HERC1: variants seen among roughly 807,000 people sequenced by gnomAD.
The protein encoded by HERC1 is probable E3 ubiquitin-protein ligase HERC1.
HERC1 carries 160 observed loss-of-function variants against 554.3 expected under a neutral mutation model. The observed-to-expected ratio is 0.29, with a 90% CI of 0.25 to 0.33. The LOEUF is 0.33. Among genes scored for constraint, HERC1 ranks in the 10% least tolerant of loss-of-function variants. The pLI is 1.00. For synonymous variants in HERC1, 2,175 were observed against 2,131.7 expected, an observed-to-expected ratio of 1.02 and a Z score of -0.56; for missense variants, 4,919 against 5,918.5, an observed-to-expected ratio of 0.83 and a Z score of 5.54.
At chr15:63,781,365 C>T (rs74019015) in intron 1 of HERC1, among the ~76,000 whole-genome samples, 31 of 152,134 alleles carry the variant, frequency 2.0e-4, no homozygotes, top group African/African-American at 7.2e-4. Context: ...TCCAAAAGTA[C>T]GTGTTCACTT....
intron 34 of HERC1, among the ~76,000 whole-genome samples, chr15:63,682,224 C>A (rs996233920): frequency 6.6e-6 from 1 of 152,176 alleles, no homozygotes; most frequent in Non-Finnish European, 1.5e-5. Flanking sequence ...AGTTACCTAT[C>A]AATTTTTAAG....
intron 12 of HERC1, among the ~76,000 whole-genome samples, chr15:63,742,946 T>A (rs1243214491): frequency 6.6e-6 from 1 of 152,204 alleles, no homozygotes; most frequent in Non-Finnish European, 1.5e-5. Context: ...AGTTTTTCTT[T>A]TCTTGCAATG....
chr15:63,724,124 T>C (rs1364350926), intron 18 of HERC1, among the ~76,000 whole-genome samples: 1 of 152,158 alleles, frequency 6.6e-6, no homozygotes, highest in Non-Finnish European at 1.5e-5. Flanking sequence ...AAAAATAACA[T>C]TAAACAGAAA....
chr15:63,610,826 G>T (rs1477475395), intron 77 of HERC1, among the ~76,000 whole-genome samples: 1 of 152,236 alleles, frequency 6.6e-6, no homozygotes, highest in South Asian at 2.1e-4. Context: ...CCTGCTCAGA[G>T]AACTGCCCAG....
At chr15:63,689,346 TA>T (rs1162618410) in intron 33 of HERC1, among the ~76,000 whole-genome samples, 1 of 152,120 alleles carries the variant, frequency 6.6e-6, no homozygotes, top group East Asian at 1.9e-4. Flanking sequence ...AGCTTAGTAC[TA>T]CAGGACAAGA....
intron 1 of HERC1, among the ~76,000 whole-genome samples, chr15:63,832,839 G>A (rs980040037): frequency 6.6e-6 from 1 of 152,178 alleles, no homozygotes; most frequent in East Asian, 1.9e-4. Context: ...AAAAAAATGT[G>A]TCTGTTAGGA....
intron 2 of HERC1, among the ~76,000 whole-genome samples, chr15:63,767,452 C>A (rs1171037322): frequency 6.6e-6 from 1 of 152,030 alleles, no homozygotes; most frequent in Non-Finnish European, 1.5e-5. Flanking sequence ...ATATCCCCAG[C>A]ACTTTGGGAG....
intron 50 of HERC1, 116 bp from the exon 51 acceptor site, chr15:63,654,440 T>C (rs768010751): frequency 6.4e-5 from 46 of 720,038 alleles, no homozygotes; most frequent in Non-Finnish European, 9.6e-5. Flanking sequence ...AGCAAATGGG[T>C]TAACCCATAT....
intron 24 of HERC1, among the ~76,000 whole-genome samples, chr15:63,707,433 G>C (rs16947378): frequency 0.025 from 3,882 of 152,320 alleles, 154 homozygotes; most frequent in African/African-American, 0.09. Context: ...CTTACAAGAA[G>C]AATGGAAGTA....
In HERC1 at chr15:63,749,078, T is replaced by G. The variant is rs2075154453; in HGVS notation, c.2219+289A>C. On this transcript the variant is annotated intron_variant, in intron 10 of 77. Transcript: ENST00000443617. The surrounding 1 kb of genome is among the most constrained non-coding windows in gnomAD (Gnocchi z 4.1). The stretch of plus-strand genomic sequence containing the variant: ...TAATTTCCTCTTGATATGCAGATAT[T>G]TAATTTTTTTAAATCAGCATGTAGA... Among the ~76,000 whole-genome samples the G allele has an allele frequency of 6.6e-6, 1 of 152,172 alleles. No homozygotes were observed. Among genetic ancestry groups the G allele is most frequent in the African/African-American group, 2.4e-5 (1 of 41,440 alleles).
intron 1 of HERC1, among the ~76,000 whole-genome samples, chr15:63,811,748 G>A (rs1437355146): frequency 6.8e-6 from 1 of 147,846 alleles, no homozygotes; most frequent in Non-Finnish European, 1.5e-5. Flanking sequence ...GGTGGAGCTT[G>A]CAGTGAGCCG....
intron 51 of HERC1, 93 bp from the exon 52 acceptor site, chr15:63,652,634 G>T: frequency 9.7e-7 from 1 of 1,028,164 alleles, no homozygotes; most frequent in Non-Finnish European, 1.4e-6. Context: ...AATCTACCAT[G>T]AAATTAAAAG....
At position 63,612,691 on chromosome 15, in the gene HERC1, G is replaced by A. The variant is rs2067653608; in HGVS notation, c.14095-135C>T. On this transcript the variant is annotated intron_variant, in intron 76 of 77. Transcript: ENST00000443617. The surrounding 1 kb of genome is among the most constrained non-coding windows in gnomAD (Gnocchi z 5.0). The stretch of plus-strand genomic sequence containing the variant: ...CCTCTACTTGTTTCTCAGACCGCCA[G>A]GCACGAGAGTCAGTCAAAAAGGCCC... 1.3e-6 allele frequency: 1 copy of A among 790,892 alleles called. No homozygotes were observed. The highest frequency in any genetic ancestry group is 1.7e-5 in the African/African-American group (1 of 57,496). 49.0% of individuals were successfully genotyped at this position (790,892 alleles called of 1,614,324 possible). A position where few individuals can be genotyped will look rare whatever the true frequency, so the allele number is the denominator to read the frequency against.
Position 63,775,747 on chromosome 15 carries a change from G to C in HERC1, c.-26-98C>G. On this transcript the variant is annotated intron_variant, in intron 1 of 77. Transcript: ENST00000443617. The surrounding 1 kb of genome is among the most constrained non-coding windows in gnomAD (Gnocchi z 4.0). ...CATTACAATTAATGATTTCAAACTG[G>C]TGAAATGCAGCCGGGTGCGGTGGCT... The C allele has an allele frequency of 1.1e-6, 1 of 871,884 alleles. No individual in the cohort carries two copies. Among genetic ancestry groups the C allele is most frequent in the Non-Finnish European group, 1.7e-6 (1 of 571,958 alleles). The allele number at this position is 871,884 out of a possible 1,614,324, so 54.0% of individuals were successfully genotyped here. A position where few individuals can be genotyped will look rare whatever the true frequency, so the allele number is the denominator to read the frequency against.
intron 2 of HERC1, among the ~76,000 whole-genome samples, chr15:63,769,059 A>T (rs1642992522): frequency 6.6e-6 from 1 of 152,192 alleles, no homozygotes; most frequent in Non-Finnish European, 1.5e-5. Context: ...TCAACAAAAA[A>T]GTCAGTATTT....
At chr15:63,764,040 A>G in intron 3 of HERC1, 56 bp downstream of exon 3, 1 of 1,154,328 alleles carries the variant, frequency 8.7e-7, no homozygotes, top group Non-Finnish European at 1.3e-6. Context: ...GGATAAATAC[A>G]TGCCATAGCA....
chr15:63,675,156 G>C, intron 37 of HERC1, 39 bp from the exon 38 acceptor site: 1 of 1,518,162 alleles, frequency 6.6e-7, no homozygotes, highest in Non-Finnish European at 8.9e-7. Flanking sequence ...AGAAGCAAGT[G>C]AGGGAAAGAC....
At chr15:63,720,612 T>TA (rs913802340) in intron 19 of HERC1, among the ~76,000 whole-genome samples, 8 of 151,928 alleles carry the variant, frequency 5.3e-5, no homozygotes, top group East Asian at 3.9e-4. Flanking sequence ...GCTTTATCAG[T>TA]AAAAAAAATT....
intron 2 of HERC1, among the ~76,000 whole-genome samples, chr15:63,770,145 C>T (rs1278834207): frequency 6.6e-6 from 1 of 152,108 alleles, no homozygotes; most frequent in Non-Finnish European, 1.5e-5. Flanking sequence ...CCATACATCC[C>T]GGGGCTTGCT....
Sources: gnomAD v4.1 joint callset for allele counts (sites outside exome capture counted in the v4.1 genomes callset) on GRCh38, gnomAD v4.1.1 for gene constraint, Gnocchi (gnomAD v3.1) non-coding constraint, MANE v1.5 for transcripts, NCBI Gene and HGNC (gene_info 2026-07-23, HGNC 2026-07-21) for gene names.